NMNAT2: variants seen among roughly 807,000 people sequenced by gnomAD.
NMNAT2 encodes the protein nicotinamide nucleotide adenylyltransferase 2.
In NMNAT2, 11 loss-of-function variants were observed where a neutral mutation model predicts 41.6. The observed-to-expected ratio is 0.26, with a 90% confidence interval of 0.17 to 0.44. The LOEUF (loss-of-function observed/expected upper bound fraction) is 0.44, where lower values mean the gene tolerates loss of function less well. Ranked by LOEUF, NMNAT2 falls within the 20% of genes least tolerant of loss-of-function variation. The probability of loss-of-function intolerance (pLI) is 1.00; values close to 1 mark genes in which losing one functional copy is unlikely to be tolerated. For synonymous variants in NMNAT2, 148 were observed against 151.2 expected, an observed-to-expected ratio of 0.98 and a Z score of 0.16; for missense variants, 288 against 407.7, an observed-to-expected ratio of 0.71 and a Z score of 2.53.
At chr1:183,381,809 T>A (rs897195890) in intron 1 of NMNAT2, among the ~76,000 whole-genome samples, 2 of 152,278 alleles carry the variant, frequency 1.3e-5, no homozygotes, top group African/African-American at 4.8e-5. Flanking sequence ...TAACTCATTA[T>A]TCCTCACAGA....
At chr1:183,361,255 C>T (rs1349278764) in intron 1 of NMNAT2, among the ~76,000 whole-genome samples, 1 of 152,172 alleles carries the variant, frequency 6.6e-6, no homozygotes, top group Admixed American at 6.6e-5. Context: ...TCAGGGGACC[C>T]TTATCCTCCC....
At chr1:183,348,946 T>A (rs1662989273) in intron 1 of NMNAT2, among the ~76,000 whole-genome samples, 1 of 152,204 alleles carries the variant, frequency 6.6e-6, no homozygotes, top group Non-Finnish European at 1.5e-5. Flanking sequence ...CCAGGTTAAG[T>A]CTTTGTCAGG....
At chr1:183,309,752 G>A (rs939972045) in intron 1 of NMNAT2, among the ~76,000 whole-genome samples, 12 of 152,188 alleles carry the variant, frequency 7.9e-5, no homozygotes, top group Non-Finnish European at 1.8e-4. Flanking sequence ...GAGTAGAAAG[G>A]AGACCCCAGG....
At chr1:183,409,779 G>A (rs1463579798) in intron 1 of NMNAT2, among the ~76,000 whole-genome samples, 1 of 152,144 alleles carries the variant, frequency 6.6e-6, no homozygotes, top group Non-Finnish European at 1.5e-5. Context: ...ACAAAATCAT[G>A]GAAGATAAAA....
intron 1 of NMNAT2, among the ~76,000 whole-genome samples, chr1:183,345,861 T>C (rs1355453960): frequency 6.6e-6 from 1 of 152,042 alleles, no homozygotes; most frequent in Non-Finnish European, 1.5e-5. Flanking sequence ...TAATTTTTTG[T>C]ATTTTTAGTA....
chr1:183,272,854 T>C (rs1437394648), intron 8 of NMNAT2, among the ~76,000 whole-genome samples: 1 of 152,196 alleles, frequency 6.6e-6, no homozygotes, highest in African/African-American at 2.4e-5. Context: ...TTGGAGAAGA[T>C]ATGAGAGGCT....
chr1:183,294,598 C>T (rs967616142), intron 1 of NMNAT2, among the ~76,000 whole-genome samples: 1 of 152,198 alleles, frequency 6.6e-6, no homozygotes, highest in African/African-American at 2.4e-5. Flanking sequence ...CAAGACCAGC[C>T]TGGCCAACAT....
At chr1:183,350,449 A>G (rs542155057) in intron 1 of NMNAT2, among the ~76,000 whole-genome samples, 2 of 152,378 alleles carry the variant, frequency 1.3e-5, no homozygotes, top group Admixed American at 6.5e-5. Context: ...GCCCTCCTTC[A>G]GAAAGTGAAA....
chr1:183,370,093 C>T (rs998161000), intron 1 of NMNAT2, among the ~76,000 whole-genome samples: 2 of 152,030 alleles, frequency 1.3e-5, no homozygotes, highest in African/African-American at 4.8e-5. Context: ...ACGGCTGCAA[C>T]CTGATCAGAA....
intron 1 of NMNAT2, among the ~76,000 whole-genome samples, chr1:183,405,839 G>A (rs1648941384): frequency 6.6e-6 from 1 of 152,246 alleles, no homozygotes; most frequent in African/African-American, 2.4e-5. Flanking sequence ...AACGTGCAAA[G>A]TGTCTTTGCT....
intron 1 of NMNAT2, among the ~76,000 whole-genome samples, chr1:183,330,755 A>G (rs868339755): frequency 6.6e-6 from 1 of 152,342 alleles, no homozygotes; most frequent in African/African-American, 2.4e-5. Flanking sequence ...GTCAACCTGC[A>G]TCTTTAATGG....
chr1:183,269,023 T>A (rs1660912411), intron 8 of NMNAT2, among the ~76,000 whole-genome samples: 1 of 152,182 alleles, frequency 6.6e-6, no homozygotes, highest in African/African-American at 2.4e-5. Context: ...TGAGCTATGA[T>A]CACGCCACTG....
intron 1 of NMNAT2, among the ~76,000 whole-genome samples, chr1:183,326,358 A>G (rs1662462383): frequency 7.3e-6 from 1 of 136,076 alleles, no homozygotes; most frequent in South Asian, 2.8e-4. Context: ...CCTGGGCAAC[A>G]GAGTGAGACT....
intron 1 of NMNAT2, among the ~76,000 whole-genome samples, chr1:183,398,607 C>T (rs1396861406): frequency 1.3e-5 from 2 of 152,172 alleles, no homozygotes; most frequent in African/African-American, 4.8e-5. Flanking sequence ...ACAGAATATA[C>T]ATTCTTCTTA....
chr1:183,378,001 T>C (rs563379736), intron 1 of NMNAT2, among the ~76,000 whole-genome samples: 1 of 152,282 alleles, frequency 6.6e-6, no homozygotes, highest in South Asian at 2.1e-4. Context: ...AGACTTAACA[T>C]AGCTGATGGA....
intron 1 of NMNAT2, among the ~76,000 whole-genome samples, chr1:183,400,465 TA>T (rs1419518565): frequency 6.6e-6 from 1 of 152,116 alleles, no homozygotes; most frequent in Admixed American, 6.5e-5. Context: ...GAAGAATCAA[TA>T]TCGTGAAAAT....
At chr1:183,401,272 C>T (rs1197603353) in intron 1 of NMNAT2, among the ~76,000 whole-genome samples, 1 of 152,170 alleles carries the variant, frequency 6.6e-6, no homozygotes, top group Non-Finnish European at 1.5e-5. Context: ...ACAGACACTT[C>T]TCAAAAGAAG....
rs186672637 is a variant in NMNAT2, at chr1:183,402,455, C to G, written c.85+15728G>C. The stretch of plus-strand genomic sequence containing the variant: ...TTTGTTAGGCTTCCCTAAAATTTGT[C>G]TGTATAAATGGTTTCAAACTTCTAC... On this transcript the variant is annotated intron_variant, in intron 1 of 10. Transcript: ENST00000287713. Among the ~76,000 whole-genome samples, 22 of 152,212 alleles carry G rather than the reference C, an allele frequency of 1.4e-4. 1 individual carries two copies. In the East Asian group the frequency reaches 4.3e-3, roughly 30 times the overall value.
Position 183,338,418 on chromosome 1 carries a change from G to C in NMNAT2, c.86-44625C>G, listed in dbSNP as rs557307804. Among the ~76,000 whole-genome samples, 6 of 152,178 alleles carry C rather than the reference G, an allele frequency of 3.9e-5. No individual in the cohort carries two copies. The East Asian group carries it at 1.2e-3, about 29-fold the overall frequency. ...ACAACAGTGTAGAAATAGCATAGGA[G>C]TTTCTATTTAAAAACCTTAGCTTTA... On this transcript the variant is annotated intron_variant, in intron 1 of 10. Transcript: ENST00000287713.
Sources: gnomAD v4.1 joint callset for allele counts (sites outside exome capture counted in the v4.1 genomes callset) on GRCh38, gnomAD v4.1.1 for gene constraint, MANE v1.5 for transcripts, NCBI Gene and HGNC (gene_info 2026-07-23, HGNC 2026-07-21) for gene names.